CTNND2: variants seen among roughly 807,000 people sequenced by gnomAD.
CTNND2 encodes the protein catenin delta 2.
In CTNND2, 22 loss-of-function variants were observed where a neutral mutation model predicts 144.4. The ratio of observed to expected loss-of-function variants is 0.15; its 90% CI spans 0.11 to 0.22. The LOEUF (loss-of-function observed/expected upper bound fraction) is 0.22, where lower values mean the gene tolerates loss of function less well. Ranked by LOEUF, CTNND2 falls within the 10% of genes least tolerant of loss-of-function variation. The pLI, the probability that CTNND2 is intolerant of heterozygous loss-of-function variation, is 1.00. For synonymous variants in CTNND2, 751 were observed against 695.6 expected (o/e 1.08, Z -1.25); for missense variants, 1,353 against 1,618.8 (o/e 0.84, Z 2.82).
At chr5:11,806,801 T>G (rs992762788) in intron 1 of CTNND2, among the ~76,000 whole-genome samples, 1 of 152,048 alleles carries the variant, frequency 6.6e-6, no homozygotes, top group Non-Finnish European at 1.5e-5. Context: ...TTATGATTAT[T>G]TTGATGATCA....
chr5:11,470,980 A>ATATATATATATATATATATTTTT (rs1219093645), intron 3 of CTNND2, among the ~76,000 whole-genome samples: 4 of 91,524 alleles, frequency 4.4e-5, no homozygotes, highest in African/African-American at 2.3e-4. Flanking sequence ...ATATATATAT[A>ATATATATATATATATATATTTTT]TTTTTTTTTT....
chr5:11,114,339 G>T lies in CTNND2; in HGVS notation c.2277+3111C>A, dbSNP rs922199887. Among the ~76,000 whole-genome samples the T allele has an allele frequency of 4.6e-5, 7 of 152,080 alleles. No individual in the cohort carries two copies. In the South Asian group the frequency reaches 8.3e-4, roughly 18 times the overall value. On this transcript the variant is annotated intron_variant, in intron 13 of 21. Transcript: ENST00000304623. Reference sequence around the variant, plus strand: ...GAGCTGCAGCTGGGGAGATGATTTGGGAAGAAGCTAGAAGAAGAAGAGAAA... The same window carrying T: ...GAGCTGCAGCTGGGGAGATGATTTGTGAAGAAGCTAGAAGAAGAAGAGAAA...
intron 3 of CTNND2, among the ~76,000 whole-genome samples, chr5:11,542,077 G>A (rs1774810202): frequency 6.6e-6 from 1 of 152,050 alleles, no homozygotes; most frequent in East Asian, 1.9e-4. Flanking sequence ...ATTAATAAAT[G>A]GCTCTGTCAG....
intron 15 of CTNND2, among the ~76,000 whole-genome samples, chr5:11,087,439 C>G (rs1365902850): frequency 6.6e-6 from 1 of 152,148 alleles, no homozygotes; most frequent in East Asian, 1.9e-4. Context: ...ACCAGATTCT[C>G]CCAGCTGGAA....
At chr5:11,503,941 C>A (rs1483714984) in intron 3 of CTNND2, among the ~76,000 whole-genome samples, 2 of 152,162 alleles carry the variant, frequency 1.3e-5, no homozygotes, top group African/African-American at 4.8e-5. Context: ...AAGGACAACA[C>A]ATAAATCATT....
chr5:11,898,121 C>T (rs1737546025), intron 1 of CTNND2, among the ~76,000 whole-genome samples: 1 of 152,210 alleles, frequency 6.6e-6, no homozygotes, highest in African/African-American at 2.4e-5. Flanking sequence ...TCAACTGCCA[C>T]ACCAAGCTAT....
At chr5:10,981,591 A>ACG (rs1208079958) in intron 21 of CTNND2, among the ~76,000 whole-genome samples, 182 bp downstream of exon 21, 1 of 151,904 alleles carries the variant, frequency 6.6e-6, no homozygotes, top group Non-Finnish European at 1.5e-5. Context: ...AGTCCAACAC[A>ACG]CACACACACA....
chr5:11,286,035 G>T (rs1470571214), intron 9 of CTNND2, among the ~76,000 whole-genome samples: 1 of 105,958 alleles, frequency 9.4e-6, no homozygotes, highest in Non-Finnish European at 2.1e-5. Flanking sequence ...TGCTTTTCCA[G>T]CAATTGATAT....
rs1184010562 is a variant in CTNND2 at position 11,700,449 on chromosome 5, G to A, written c.174+31687C>T. 5.3e-5 allele frequency among the ~76,000 whole-genome samples: 8 copies of A among 152,086 alleles called. No homozygotes were observed. In the East Asian group the frequency reaches 7.7e-4, roughly 15 times the overall value. On this transcript the variant is annotated intron_variant, in intron 2 of 21. Coordinates refer to ENST00000304623, the MANE Select transcript of CTNND2 (RefSeq NM_001332.4). ...TTTAATTATTGAAGGTGAGTGTTCC[G>A]ACCCTGAGGAGCTTACAATTTGCTG...
At chr5:11,496,271 T>C (rs962212711) in intron 3 of CTNND2, among the ~76,000 whole-genome samples, 1 of 152,092 alleles carries the variant, frequency 6.6e-6, no homozygotes, top group Non-Finnish European at 1.5e-5. Context: ...CAGGAATGAG[T>C]GGTTTCAGGT....
At chr5:11,719,427 TTACC>T (rs538306044) in intron 2 of CTNND2, among the ~76,000 whole-genome samples, 212 of 152,308 alleles carry the variant, frequency 1.4e-3, no homozygotes, top group African/African-American at 5.0e-3. Context: ...CCTCAAGTCC[TTACC>T]TAGACTTGTG....
At chr5:11,310,886 C>T (rs577454518) in intron 9 of CTNND2, among the ~76,000 whole-genome samples, 2 of 148,212 alleles carry the variant, frequency 1.3e-5, no homozygotes, top group East Asian at 4.3e-4. Context: ...GCACCCTCAC[C>T]TCACACGCAA....
intron 16 of CTNND2, among the ~76,000 whole-genome samples, chr5:11,050,700 A>G (rs907513703): frequency 6.6e-6 from 1 of 152,224 alleles, no homozygotes; most frequent in African/African-American, 2.4e-5. Context: ...CAAGCCTGCT[A>G]TTAGTTTCAC....
intron 18 of CTNND2, among the ~76,000 whole-genome samples, chr5:10,994,520 T>C (rs906917838): frequency 1.3e-5 from 2 of 150,548 alleles, no homozygotes; most frequent in Non-Finnish European, 3.0e-5. Context: ...GGGGTGAGGA[T>C]GCTGGCATCT....
chr5:11,543,162 C>A (rs370743673), intron 3 of CTNND2, among the ~76,000 whole-genome samples: 1 of 152,110 alleles, frequency 6.6e-6, no homozygotes, highest in Non-Finnish European at 1.5e-5. Context: ...CAAGGGCAAC[C>A]AATATGGGCA....
chr5:11,418,662 C>G (rs1762098980), intron 3 of CTNND2, among the ~76,000 whole-genome samples: 1 of 152,146 alleles, frequency 6.6e-6, no homozygotes, highest in South Asian at 2.1e-4. Flanking sequence ...CAGTGGCAGA[C>G]CATCCACATC....
In CTNND2 at chr5:11,858,851, C is replaced by T. The variant is rs541656526; in HGVS notation, c.37+44966G>A. Among the ~76,000 whole-genome samples, 55 of 152,272 alleles carry T rather than the reference C, an allele frequency of 3.6e-4. 1 individual carries two copies. Among genetic ancestry groups the T allele is most frequent in the African/African-American group, 1.2e-3 (51 of 41,558 alleles). Reference sequence around the variant, plus strand: ...GGCTGAGGCAGGAGAATGGCGTGAACCTGGGAGGCGGAGCTTGCAGTGAGC... The same window carrying T: ...GGCTGAGGCAGGAGAATGGCGTGAATCTGGGAGGCGGAGCTTGCAGTGAGC... On this transcript the variant is annotated intron_variant, in intron 1 of 21. Transcript: ENST00000304623.
At chr5:11,728,140 A>AT (rs1787124095) in intron 2 of CTNND2, among the ~76,000 whole-genome samples, 1 of 152,188 alleles carries the variant, frequency 6.6e-6, no homozygotes, top group Non-Finnish European at 1.5e-5. Flanking sequence ...CACAACATAT[A>AT]TAAAGTACTC....
chr5:11,135,096 T>G (rs1315166739), intron 12 of CTNND2, among the ~76,000 whole-genome samples: 2 of 152,220 alleles, frequency 1.3e-5, no homozygotes, highest in African/African-American at 4.8e-5. Flanking sequence ...ATTTAAAAAT[T>G]GTGCACTTAA....
Sources: gnomAD v4.1 joint callset for allele counts (sites outside exome capture counted in the v4.1 genomes callset) on GRCh38, gnomAD v4.1.1 for gene constraint, MANE v1.5 for transcripts, NCBI Gene and HGNC (gene_info 2026-07-23, HGNC 2026-07-21) for gene names.